The following PTPRE variants were observed in gnomAD, a reference collection of about 807,000 sequenced individuals.
PTPRE encodes protein tyrosine phosphatase receptor type E.
PTPRE carries 51 observed loss-of-function variants against 102.0 expected under a neutral mutation model. The observed-to-expected ratio is 0.50, with a 90% confidence interval of 0.40 to 0.63. The LOEUF is 0.63. Ranked by LOEUF, PTPRE falls within the 30% of genes least tolerant of loss-of-function variation. The pLI is 0.00. For missense variants in PTPRE, 752 were observed against 915.1 expected, an observed-to-expected ratio of 0.82 and a Z score of 2.30; for synonymous variants, 345 against 348.2, an observed-to-expected ratio of 0.99 and a Z score of 0.10.
chr10:128,068,256 TGCAC>T lies in PTPRE; in HGVS notation c.980_983del (p.His327LeufsTer20). ...AAGAAAGTAAAGACGCTCAACCCCGTGCACGCTGGGCCCATCGTGGTCCACTGTA... is the reference window on the plus strand; with the variant it reads ...AAGAAAGTAAAGACGCTCAACCCCGTGCTGGGCCCATCGTGGTCCACTGTA... On this transcript the variant is annotated frameshift_variant, in exon 12 of 21. Transcript: ENST00000254667. LOFTEE classifies it high-confidence loss of function. 1.2e-6 allele frequency: 2 copies of T among 1,614,072 alleles called. No homozygotes were observed. The highest frequency in any genetic ancestry group is 1.7e-6 in the Non-Finnish European group (2 of 1,179,958).
rs1333414024 is a variant in PTPRE, at chr10:128,028,705, C to T, written c.-7-12170C>T. Among the ~76,000 whole-genome samples the T allele has an allele frequency of 6.6e-6, 1 of 152,082 alleles. No individual in the cohort carries two copies. Among genetic ancestry groups the T allele is most frequent in the Admixed American group, 6.5e-5 (1 of 15,274 alleles). On this transcript the variant is annotated intron_variant, in intron 2 of 20. Coordinates refer to ENST00000254667, the MANE Select transcript of PTPRE (RefSeq NM_006504.6). The surrounding 1 kb of genome is among the most constrained non-coding windows in gnomAD (Gnocchi z 4.5). ...GGTCTTGGGTTCTGATGCCTTCATTCCCAGAACACGAAGCCAAGGCCAGGA... is the reference window on the plus strand; with the variant it reads ...GGTCTTGGGTTCTGATGCCTTCATTTCCAGAACACGAAGCCAAGGCCAGGA...
At chr10:128,076,443 A>C (rs1479393429) in intron 17 of PTPRE, among the ~76,000 whole-genome samples, 160 bp from the exon 18 acceptor site, 1 of 151,658 alleles carries the variant, frequency 6.6e-6, no homozygotes, top group African/African-American at 2.4e-5. Context: ...TCCCTGGGTC[A>C]ACAAGCATTA....
At chr10:128,063,442 G>A (rs560081032) in intron 10 of PTPRE, among the ~76,000 whole-genome samples, 7 of 152,278 alleles carry the variant, frequency 4.6e-5, no homozygotes, top group African/African-American at 1.7e-4. Context: ...AGTGGCCCCC[G>A]GCTGGCCCCA....
Position 128,056,179 on chromosome 10 carries a change from C to T in PTPRE, c.477C>T (p.Asn159=), listed in dbSNP as rs760199693. ...TTGAACTGGCAAATAAAGAAGAAAA[C>T]AGAGAAAAAAACAGATATCCCAACA... The part of the protein sequence containing the change: ...GTFELANKEE[N]REKNRYPNIL... The change falls in exon 7 of 21, where the codon AAC becomes AAT. Residue 159 remains asparagine, a synonymous_variant. Transcript: ENST00000254667. 1.9e-6 allele frequency: 3 copies of T among 1,612,448 alleles called. No homozygotes were observed. The highest frequency in any genetic ancestry group is 8.5e-7 in the Non-Finnish European group (1 of 1,178,610).
intron 3 of PTPRE, among the ~76,000 whole-genome samples, chr10:128,046,503 G>A (rs1192480194): frequency 2.0e-5 from 3 of 152,234 alleles, no homozygotes; most frequent in Non-Finnish European, 2.9e-5. Flanking sequence ...CGAGGTTTGC[G>A]CTTTGAGGCA....
At chr10:128,017,521 C>A (rs1007697828) in intron 2 of PTPRE, among the ~76,000 whole-genome samples, 5 of 151,998 alleles carry the variant, frequency 3.3e-5, no homozygotes, top group Non-Finnish European at 7.4e-5. Flanking sequence ...TTTCCATATG[C>A]CCTCCCCACA....
At chr10:128,010,803 G>A (rs1189464517) in intron 2 of PTPRE, among the ~76,000 whole-genome samples, 5 of 152,094 alleles carry the variant, frequency 3.3e-5, no homozygotes, top group South Asian at 2.1e-4. Flanking sequence ...GTGTTAGCCA[G>A]GATGGTCTTG....
chr10:127,955,436 C>G (rs61873694), intron 1 of PTPRE, among the ~76,000 whole-genome samples: 10,617 of 152,176 alleles, frequency 0.07, 453 homozygotes, highest in Middle Eastern at 0.099. Context: ...GCCCATGTAA[C>G]CAGTTACAGA....
chr10:127,955,358 G>T (rs952174389), intron 1 of PTPRE, among the ~76,000 whole-genome samples: 3 of 152,152 alleles, frequency 2.0e-5, no homozygotes, highest in Non-Finnish European at 2.9e-5. Flanking sequence ...GACCAGTGAG[G>T]TGCTTATCGA....
chr10:128,077,485 C>G (rs1254524713), intron 18 of PTPRE, 132 bp from the exon 19 acceptor site: 1 of 1,170,360 alleles, frequency 8.5e-7, no homozygotes, highest in Non-Finnish European at 1.2e-6. Context: ...CAGGCTGCCT[C>G]GGTGGGGATG....
intron 1 of PTPRE, among the ~76,000 whole-genome samples, chr10:127,973,769 G>A (rs1316424543): frequency 3.3e-5 from 5 of 152,032 alleles, no homozygotes; most frequent in African/African-American, 9.7e-5. Context: ...TTTTCTGATA[G>A]CTCTGCGCCT....
intron 2 of PTPRE, among the ~76,000 whole-genome samples, chr10:128,032,299 A>T (rs894345157): frequency 4.6e-5 from 7 of 152,182 alleles, no homozygotes; most frequent in Non-Finnish European, 1.5e-5. Context: ...TACAGGCATG[A>T]GCTACCATGC....
At chr10:128,034,877 A>G (rs540024420) in intron 2 of PTPRE, among the ~76,000 whole-genome samples, 2 of 152,268 alleles carry the variant, frequency 1.3e-5, no homozygotes, top group Non-Finnish European at 2.9e-5. Flanking sequence ...GATAAGGCTA[A>G]GAAATTGATC....
chr10:128,007,224 A>C (rs1854650728), intron 2 of PTPRE, among the ~76,000 whole-genome samples: 1 of 152,206 alleles, frequency 6.6e-6, no homozygotes, highest in Admixed American at 6.5e-5. Flanking sequence ...GGGTGGGGGA[A>C]AAATACTGCT....
At chr10:127,966,804 G>T (rs140251627) in intron 1 of PTPRE, among the ~76,000 whole-genome samples, 198 of 152,264 alleles carry the variant, frequency 1.3e-3, no homozygotes, top group African/African-American at 4.5e-3. Context: ...TTTTGACCAC[G>T]ACACCTTTGT....
chr10:127,934,491 G>T (rs1264367163), intron 1 of PTPRE: 1 of 152,232 alleles, frequency 6.6e-6, no homozygotes, highest in Non-Finnish European at 1.5e-5. Flanking sequence ...AGAAAGCTCG[G>T]TGACGGTTTG....
At chr10:128,009,564 C>T (rs1191756927) in intron 2 of PTPRE, among the ~76,000 whole-genome samples, 7 of 152,172 alleles carry the variant, frequency 4.6e-5, no homozygotes, top group Admixed American at 6.5e-5. Context: ...GCAGCGAGGT[C>T]ACTATTGTGC....
chr10:127,933,929 C>T (rs1589767260), intron 1 of PTPRE: 1 of 152,178 alleles, frequency 6.6e-6, no homozygotes, highest in East Asian at 1.9e-4. Flanking sequence ...TTAATGAAGT[C>T]ATATCAAAGA....
intron 2 of PTPRE, among the ~76,000 whole-genome samples, chr10:128,037,889 T>C (rs1338125434): frequency 6.6e-6 from 1 of 151,890 alleles, no homozygotes; most frequent in Non-Finnish European, 1.5e-5. Flanking sequence ...CCTCCTGGGT[T>C]CAAGCAATTC....
Sources: allele counts gnomAD v4.1 joint callset (sites outside exome capture counted in the v4.1 genomes callset), GRCh38; gene constraint gnomAD v4.1.1; non-coding constraint Gnocchi (gnomAD v3.1); transcripts MANE v1.5; gene names NCBI Gene and HGNC (gene_info 2026-07-23, HGNC 2026-07-21).